UTP4: variants seen among roughly 807,000 people sequenced by gnomAD.
UTP4 encodes UTP4 small subunit processome component, also known as U3 small nucleolar RNA-associated protein 4 homolog.
Under a neutral mutation model 82.4 loss-of-function variants are expected in UTP4, and 45 were observed. The observed-to-expected ratio is 0.55, with a 90% CI of 0.43 to 0.70. The LOEUF (loss-of-function observed/expected upper bound fraction) is 0.70. Among genes scored for constraint, UTP4 ranks in the 30% least tolerant of loss-of-function variants. The probability of loss-of-function intolerance (pLI) is 0.00; values close to 1 mark genes in which losing one functional copy is unlikely to be tolerated. For synonymous variants in UTP4, 348 were observed against 300.3 expected, an observed-to-expected ratio of 1.16 and a Z score of -1.64; for missense variants, 819 against 858.3, an observed-to-expected ratio of 0.95 and a Z score of 0.57.
rs757821823 is a variant in UTP4, at chr16:69,154,448, A to G, written c.1155A>G (p.Leu385=). The change falls in exon 10 of 17, where the codon CTA becomes CTG. Residue 385 remains leucine (L), a synonymous_variant. Coordinates refer to ENST00000314423, the MANE Select transcript of UTP4 (RefSeq NM_032830.3). ...LSKNADHLLH[L]KTKGPENIIC... ...AAAATGCAGATCATTTACTGCACCT[A>G]AAGACAAAGGTAAGGAAGTTTGTTT... 2 of 1,611,112 alleles carry G rather than the reference A, an allele frequency of 1.2e-6. No individual in the cohort carries two copies. Among genetic ancestry groups the G allele is most frequent in the East Asian group, 2.2e-5 (1 of 44,840 alleles).
intron 11 of UTP4, among the ~76,000 whole-genome samples, chr16:69,156,559 A>C (rs1963421256): frequency 6.6e-6 from 1 of 151,842 alleles, no homozygotes; most frequent in African/African-American, 2.4e-5. Context: ...CTCGGGTTCA[A>C]GCCATTCTCC....
intron 2 of UTP4, among the ~76,000 whole-genome samples, chr16:69,136,256 C>A (rs1220836825): frequency 6.6e-6 from 1 of 152,196 alleles, no homozygotes; most frequent in Non-Finnish European, 1.5e-5. Flanking sequence ...GGGTTGGGTG[C>A]AGTGGCTCAC....
intron 3 of UTP4, 31 bp downstream of exon 3, chr16:69,136,918 A>G (rs1237395662): frequency 1.3e-6 from 2 of 1,593,984 alleles, no homozygotes; most frequent in Non-Finnish European, 1.7e-6. Context: ...AATTCAAACC[A>G]AAATTTCTCT....
intron 16 of UTP4, among the ~76,000 whole-genome samples, chr16:69,168,299 G>A (rs147097568): frequency 0.023 from 3,507 of 152,140 alleles, 134 homozygotes; most frequent in African/African-American, 0.08. Flanking sequence ...AGCCGGGCGT[G>A]GTGGTGGGCA....
intron 11 of UTP4, among the ~76,000 whole-genome samples, chr16:69,156,639 A>G (rs1029015308): frequency 6.6e-6 from 1 of 151,594 alleles, no homozygotes; most frequent in Non-Finnish European, 1.5e-5. Context: ...TTGTATTTTT[A>G]GTAGAGATGG....
intron 6 of UTP4, among the ~76,000 whole-genome samples, chr16:69,146,847 C>CA (rs1382626395): frequency 6.7e-6 from 1 of 150,328 alleles, no homozygotes; most frequent in African/African-American, 2.4e-5. Flanking sequence ...AAAAAAAATA[C>CA]AAAAAATTAG....
At chr16:69,163,049 A>C in intron 13 of UTP4, 34 bp from the exon 14 acceptor site, 5 of 1,483,480 alleles carry the variant, frequency 3.4e-6, no homozygotes, top group Non-Finnish European at 4.7e-6. Flanking sequence ...AGTGTCACTT[A>C]GAGTTGCCAC....
At chr16:69,140,032 A>G in intron 5 of UTP4, 118 bp downstream of exon 5, 1 of 780,888 alleles carries the variant, frequency 1.3e-6, no homozygotes, top group Non-Finnish European at 2.3e-6. Context: ...ACATGTCATT[A>G]ATCTTCTGAG....
chr16:69,159,154 G>A (rs1963500892), intron 12 of UTP4, among the ~76,000 whole-genome samples: 1 of 151,912 alleles, frequency 6.6e-6, no homozygotes, highest in African/African-American at 2.4e-5. Context: ...TCGGCTCACT[G>A]CAACCTTTGC....
chr16:69,157,371 C>A, intron 12 of UTP4, 131 bp downstream of exon 12: 1 of 906,712 alleles, frequency 1.1e-6, no homozygotes, highest in Non-Finnish European at 1.8e-6. Flanking sequence ...CACATGTTTG[C>A]TGTTTCAAGT....
intron 10 of UTP4, among the ~76,000 whole-genome samples, 161 bp from the exon 11 acceptor site, chr16:69,155,710 C>G (rs1416157989): frequency 1.3e-5 from 2 of 152,074 alleles, no homozygotes; most frequent in Non-Finnish European, 2.9e-5. Context: ...GGTGCTCTGC[C>G]TCTGAAATAA....
chr16:69,165,013 G>C (rs1162319094), intron 14 of UTP4, among the ~76,000 whole-genome samples: 1 of 152,046 alleles, frequency 6.6e-6, no homozygotes, highest in Non-Finnish European at 1.5e-5. Flanking sequence ...GGCTAACACA[G>C]TGAAACCCCA....
intron 14 of UTP4, among the ~76,000 whole-genome samples, chr16:69,163,884 G>GTTTT (rs1216606701): frequency 1.3e-4 from 17 of 126,238 alleles, no homozygotes; most frequent in East Asian, 2.4e-4. Flanking sequence ...TGGTCAGTTT[G>GTTTT]TTTTTTTTTT....
chr16:69,136,669 T>C (rs1221914155), intron 2 of UTP4, 27 bp from the exon 3 acceptor site: 2 of 1,612,892 alleles, frequency 1.2e-6, no homozygotes, highest in South Asian at 1.1e-5. Flanking sequence ...TTTGTGGTAA[T>C]GTTGAGAAGT....
chr16:69,147,197 A>C (rs1044023054), intron 6 of UTP4, among the ~76,000 whole-genome samples: 1 of 144,092 alleles, frequency 6.9e-6, no homozygotes, highest in South Asian at 2.2e-4. Flanking sequence ...TAATAATAAT[A>C]ATAATAATAA....
intron 14 of UTP4, among the ~76,000 whole-genome samples, chr16:69,163,895 T>G (rs1319638192): frequency 6.7e-6 from 1 of 149,200 alleles, no homozygotes; most frequent in South Asian, 2.1e-4. Flanking sequence ...TTTTTTTTTT[T>G]TTTTTTTTGA....
At chr16:69,151,591 C>T (rs998769729) in intron 8 of UTP4, among the ~76,000 whole-genome samples, 17 of 150,946 alleles carry the variant, frequency 1.1e-4, no homozygotes, top group Admixed American at 3.3e-4. Flanking sequence ...AAGTGCTGGG[C>T]TTACAGGCGT....
At chr16:69,149,794 T>A (rs544779305) in intron 6 of UTP4, among the ~76,000 whole-genome samples, 1 of 152,204 alleles carries the variant, frequency 6.6e-6, no homozygotes, top group Admixed American at 6.5e-5. Flanking sequence ...AGTGGTGCGA[T>A]CTTGGCGTAC....
At chr16:69,164,791 G>A (rs1050349078) in intron 14 of UTP4, among the ~76,000 whole-genome samples, 1 of 151,900 alleles carries the variant, frequency 6.6e-6, no homozygotes, top group Admixed American at 6.6e-5. Flanking sequence ...CTGTGTTTCA[G>A]AATGGGCATG....
Sources: gnomAD v4.1 joint callset for allele counts (sites outside exome capture counted in the v4.1 genomes callset) on GRCh38, gnomAD v4.1.1 for gene constraint, MANE v1.5 for transcripts, NCBI Gene and HGNC (gene_info 2026-07-23, HGNC 2026-07-21) for gene names.